PAPPA: variants seen among roughly 807,000 people sequenced by gnomAD.
The protein encoded by PAPPA is pappalysin-1.
A neutral mutation model predicts 164.0 loss-of-function variants in PAPPA; 60 were observed. The ratio of observed to expected loss-of-function variants is 0.37; its 90% CI spans 0.30 to 0.45. PAPPA has a LOEUF of 0.45. Among genes scored for constraint, PAPPA ranks in the 20% least tolerant of loss-of-function variants. The pLI is 1.00. For synonymous variants in PAPPA, 875 were observed against 814.1 expected, an observed-to-expected ratio of 1.07 and a Z score of -1.27; for missense variants, 1,782 against 2,087.3, an observed-to-expected ratio of 0.85 and a Z score of 2.85.
intron 15 of PAPPA, among the ~76,000 whole-genome samples, chr9:116,350,202 A>G (rs1334689416): frequency 2.6e-5 from 4 of 152,228 alleles, no homozygotes; most frequent in African/African-American, 9.6e-5. Context: ...TGAGCAGTAT[A>G]ATAGCCCTCA....
At chr9:116,370,438 G>A (rs1846558145) in intron 19 of PAPPA, among the ~76,000 whole-genome samples, 1 of 152,200 alleles carries the variant, frequency 6.6e-6, no homozygotes, top group Admixed American at 6.5e-5. Flanking sequence ...CAGCCTCTAT[G>A]AAATGTAGAG....
chr9:116,153,975 T>C lies in PAPPA; in HGVS notation c.-198T>C, dbSNP rs1843565156. On this transcript the variant is annotated 5_prime_UTR_variant, in exon 1 of 22. Transcript: ENST00000328252. ...AATTGCCAACCAGGAGGAGTTGGGC[T>C]GTATTTTTCAAAGGTGGGGAGAGTG... The C allele has an allele frequency of 6.2e-6, 3 of 486,510 alleles. No individual in the cohort carries two copies. The South Asian group carries it at 2.1e-4, about 35-fold the overall frequency. 30.1% of individuals were successfully genotyped at this position (486,510 alleles called of 1,614,324 possible).
At chr9:116,390,111 C>T (rs1307891162) in intron 21 of PAPPA, among the ~76,000 whole-genome samples, 1 of 152,108 alleles carries the variant, frequency 6.6e-6, no homozygotes, top group East Asian at 1.9e-4. Flanking sequence ...AGAACTTGGT[C>T]CCAGCTGAAT....
intron 6 of PAPPA, among the ~76,000 whole-genome samples, chr9:116,228,230 C>A (rs1241398739): frequency 6.6e-6 from 1 of 152,176 alleles, no homozygotes; most frequent in Non-Finnish European, 1.5e-5. Context: ...TGTTGTCACA[C>A]TTTGTCACTT....
chr9:116,369,250 C>A (rs958328933), intron 19 of PAPPA, among the ~76,000 whole-genome samples: 7 of 152,018 alleles, frequency 4.6e-5, no homozygotes, highest in Non-Finnish European at 8.8e-5. Context: ...ATTCCTGAAC[C>A]AGAATTCCTG....
chr9:116,340,930 TAG>T (rs1214988039), intron 13 of PAPPA, among the ~76,000 whole-genome samples: 1 of 152,162 alleles, frequency 6.6e-6, no homozygotes, highest in Non-Finnish European at 1.5e-5. Context: ...AGAGACAGAG[TAG>T]AGAGACTCAT....
intron 5 of PAPPA, among the ~76,000 whole-genome samples, chr9:116,225,284 G>A (rs1206499204): frequency 1.3e-5 from 2 of 152,166 alleles, no homozygotes; most frequent in African/African-American, 4.8e-5. Context: ...CAGTGCTGAG[G>A]AAGCCTTTCT....
chr9:116,261,172 C>A lies in PAPPA; in HGVS notation c.2733-4685C>A, dbSNP rs16933353. On this transcript the variant is annotated intron_variant, in intron 7 of 21. Coordinates refer to ENST00000328252, the MANE Select transcript of PAPPA (RefSeq NM_002581.5). ...TAAATACAAAATATGATACGTAGTG[C>A]GTAGCATATAATAAGTAGGCAACAC... Among the ~76,000 whole-genome samples the A allele has an allele frequency of 9.7e-3, 1,476 of 152,220 alleles. 21 individuals are homozygous for A. Among genetic ancestry groups the A allele is most frequent in the African/African-American group, 0.033 (1,352 of 41,538 alleles).
At chr9:116,156,306 G>GTA (rs1037878668) in intron 1 of PAPPA, among the ~76,000 whole-genome samples, 5 of 121,184 alleles carry the variant, frequency 4.1e-5, no homozygotes, top group East Asian at 2.1e-4. Context: ...ATATATACAT[G>GTA]TATATATATG....
intron 15 of PAPPA, among the ~76,000 whole-genome samples, chr9:116,348,064 G>A (rs1379446066): frequency 6.6e-6 from 1 of 152,170 alleles, no homozygotes; most frequent in African/African-American, 2.4e-5. Flanking sequence ...ACTGCCAACT[G>A]TTGTTGGGGA....
chr9:116,153,989 G>C lies in PAPPA; in HGVS notation c.-184G>C. On this transcript the variant is annotated 5_prime_UTR_variant, in exon 1 of 22. Transcript: ENST00000328252. ...AGGAGTTGGGCTGTATTTTTCAAAG[G>C]TGGGGAGAGTGGAGCACACACCTTG... The C allele has an allele frequency of 4.8e-6, 3 of 620,022 alleles. No homozygotes were observed. The highest frequency in any genetic ancestry group is 4.3e-6 in the Non-Finnish European group (2 of 463,062). 38.4% of individuals were successfully genotyped at this position (620,022 alleles called of 1,614,324 possible).
At chr9:116,332,194 C>G (rs1846001435) in intron 11 of PAPPA, 139 bp from the exon 12 acceptor site, 1 of 595,016 alleles carries the variant, frequency 1.7e-6, no homozygotes, top group Admixed American at 2.9e-5. Context: ...ATTGCCTCCT[C>G]CTTCCCATCT....
chr9:116,235,158 G>A lies in PAPPA; in HGVS notation c.2253G>A (p.Gln751=), dbSNP rs1844645063. ...REAEGHPDVE[Q]PCKSSVRTWS... ...GCATAGGTCATCCTGATGTTGAACAGCCCTGTAAGTCCAGTGTCCGCACCT... is the reference window on the plus strand; with the variant it reads ...GCATAGGTCATCCTGATGTTGAACAACCCTGTAAGTCCAGTGTCCGCACCT... Residue 751 remains glutamine, a synonymous_variant, in exon 7 of 22, where the codon CAG becomes CAA. Coordinates refer to ENST00000328252, the MANE Select transcript of PAPPA (RefSeq NM_002581.5). 3.1e-6 allele frequency: 5 copies of A among 1,614,138 alleles called. No homozygotes were observed. In the South Asian group the frequency reaches 5.5e-5, roughly 18 times the overall value.
intron 1 of PAPPA, among the ~76,000 whole-genome samples, chr9:116,177,700 G>A (rs1383446773): frequency 6.6e-6 from 1 of 152,128 alleles, no homozygotes; most frequent in Middle Eastern, 3.2e-3. Context: ...AGAGGAGCTT[G>A]TAGATTCTCA....
At chr9:116,384,467 A>T (rs929444541) in intron 21 of PAPPA, among the ~76,000 whole-genome samples, 1 of 151,996 alleles carries the variant, frequency 6.6e-6, no homozygotes, top group Admixed American at 6.6e-5. Flanking sequence ...AATTTAAAAA[A>T]GTTCTGATAG....
intron 1 of PAPPA, among the ~76,000 whole-genome samples, chr9:116,181,625 A>T (rs1342548383): frequency 6.6e-6 from 1 of 152,242 alleles, no homozygotes; most frequent in Admixed American, 6.5e-5. Flanking sequence ...GAAAAGGAAA[A>T]TGGGAGGCAG....
intron 13 of PAPPA, among the ~76,000 whole-genome samples, chr9:116,335,788 G>C (rs1846054076): frequency 1.3e-5 from 2 of 152,154 alleles, no homozygotes; most frequent in Admixed American, 6.5e-5. Flanking sequence ...AGTCACTTCA[G>C]TTTTCTGGGT....
rs115688872 is a variant in PAPPA at position 116,360,316 on chromosome 9, G to A, written c.4348-2276G>A. ...ACATGAAGCTGCGTAAGTTTGCCACGAGCCCCTACAGAACCTCTGGGAGTG... is the reference window on the plus strand; with the variant it reads ...ACATGAAGCTGCGTAAGTTTGCCACAAGCCCCTACAGAACCTCTGGGAGTG... On this transcript the variant is annotated intron_variant, in intron 17 of 21. Coordinates refer to ENST00000328252, the MANE Select transcript of PAPPA (RefSeq NM_002581.5). Among the ~76,000 whole-genome samples, 400 of 152,278 alleles carry A rather than the reference G, an allele frequency of 2.6e-3. 1 individual carries two copies. The highest frequency in any genetic ancestry group is 9.0e-3 in the African/African-American group (375 of 41,566).
intron 10 of PAPPA, among the ~76,000 whole-genome samples, chr9:116,328,158 G>A (rs1845944116): frequency 6.6e-6 from 1 of 152,182 alleles, no homozygotes. Flanking sequence ...CTTCAGAGAT[G>A]TGCTTCACCA....
Sources: allele counts gnomAD v4.1 joint callset (sites outside exome capture counted in the v4.1 genomes callset), GRCh38; gene constraint gnomAD v4.1.1; transcripts MANE v1.5; gene names NCBI Gene and HGNC (gene_info 2026-07-23, HGNC 2026-07-21).